Variants in FRAS1 observed in about 807,000 individuals in gnomAD.
The protein encoded by FRAS1 is extracellular matrix organizing protein FRAS1.
A neutral mutation model predicts 435.2 loss-of-function variants in FRAS1; 290 were observed. The observed-to-expected ratio is 0.67, with a 90% CI of 0.61 to 0.73. The LOEUF is 0.73. FRAS1 is among the 30% of genes least tolerant of loss of function. The pLI, the probability that FRAS1 is intolerant of heterozygous loss-of-function variation, is 0.00. For missense variants in FRAS1, 4,860 were observed against 5,001.5 expected (o/e 0.97, Z 0.85); for synonymous variants, 1,800 against 1,851.0 (o/e 0.97, Z 0.71).
intron 3 of FRAS1, among the ~76,000 whole-genome samples, chr4:78,243,993 A>G (rs1042655359): frequency 6.6e-6 from 1 of 152,168 alleles, no homozygotes; most frequent in African/African-American, 2.4e-5. Flanking sequence ...TTCAGAGGAC[A>G]CTTTTCTGAA....
intron 33 of FRAS1, among the ~76,000 whole-genome samples, chr4:78,420,479 G>C (rs562754197): frequency 4.5e-4 from 47 of 105,600 alleles, no homozygotes; most frequent in Admixed American, 1.0e-3. Flanking sequence ...CATGAGAAAT[G>C]ATCACAACAT....
In FRAS1 at chr4:78,115,180, C is replaced by T. The variant is rs191645470; in HGVS notation, c.108+49164C>T. 2.6e-4 allele frequency among the ~76,000 whole-genome samples: 40 copies of T among 151,204 alleles called. 1 individual carries two copies. In the Admixed American group the frequency reaches 2.7e-3, roughly 10 times the overall value. ...AGCCTTGCATCCCAGGGATGAAGCC[C>T]ACTTGATCATGGTGGATACGCTTAT... On this transcript the variant is annotated intron_variant, in intron 2 of 73. Transcript: ENST00000512123.
At chr4:78,501,880 C>T (rs898586941) in intron 61 of FRAS1, among the ~76,000 whole-genome samples, 28 of 152,202 alleles carry the variant, frequency 1.8e-4, no homozygotes, top group African/African-American at 6.7e-4. Context: ...CTTTAATCCA[C>T]CTTGAATTAA....
chr4:78,121,166 G>C (rs1718996554), intron 2 of FRAS1, among the ~76,000 whole-genome samples: 1 of 152,128 alleles, frequency 6.6e-6, no homozygotes, highest in Admixed American at 6.5e-5. Flanking sequence ...AGCCTGATAT[G>C]ACCTTTCTCC....
In FRAS1 at chr4:78,452,363, A is replaced by G; in HGVS notation, c.6763+9A>G. On this transcript the variant is annotated intron_variant, in intron 47 of 73. Transcript: ENST00000512123. Reference sequence around the variant, plus strand: ...ACATGCAGCATCACCAGGTAAGTCTATCATCTCTTGATTTACTGAATCAAA... The same window carrying G: ...ACATGCAGCATCACCAGGTAAGTCTGTCATCTCTTGATTTACTGAATCAAA... 1.3e-6 allele frequency: 2 copies of G among 1,587,620 alleles called. No individual in the cohort carries two copies. The highest frequency in any genetic ancestry group is 1.7e-6 in the Non-Finnish European group (2 of 1,171,596).
intron 6 of FRAS1, among the ~76,000 whole-genome samples, chr4:78,258,778 C>T (rs999402977): frequency 2.2e-4 from 32 of 145,824 alleles, no homozygotes; most frequent in African/African-American, 8.0e-4. Flanking sequence ...CATATGTATA[C>T]ATGTGCCATG....
intron 9 of FRAS1, among the ~76,000 whole-genome samples, chr4:78,267,891 A>G (rs1473229824): frequency 6.6e-6 from 1 of 152,248 alleles, no homozygotes; most frequent in East Asian, 1.9e-4. Context: ...GGATCAGGAA[A>G]AAACATAACA....
chr4:78,502,345 C>A (rs1720711800), intron 61 of FRAS1, among the ~76,000 whole-genome samples: 1 of 152,196 alleles, frequency 6.6e-6, no homozygotes, highest in South Asian at 2.1e-4. Context: ...TTCTTCCTCT[C>A]CGTAAGCGTG....
chr4:78,330,309 G>A (rs2110254480), intron 18 of FRAS1, among the ~76,000 whole-genome samples: 1 of 152,290 alleles, frequency 6.6e-6, no homozygotes, highest in African/African-American at 2.4e-5. Context: ...GTCAGCTGAG[G>A]AGGATGTATG....
chr4:78,438,873 T>C (rs1295040577), intron 39 of FRAS1, 29 bp from the exon 40 acceptor site: 1 of 1,584,644 alleles, frequency 6.3e-7, no homozygotes, highest in African/African-American at 1.4e-5. Flanking sequence ...TCGTGGCTTA[T>C]TCATTTGATT....
chr4:78,200,175 T>G (rs1350415567), intron 2 of FRAS1, among the ~76,000 whole-genome samples: 4 of 152,222 alleles, frequency 2.6e-5, no homozygotes, highest in Non-Finnish European at 4.4e-5. Flanking sequence ...GAAATGTTAC[T>G]GTCGACAGTA....
intron 44 of FRAS1, among the ~76,000 whole-genome samples, chr4:78,449,206 T>G (rs1718944386): frequency 6.6e-6 from 1 of 152,174 alleles, no homozygotes; most frequent in Non-Finnish European, 1.5e-5. Flanking sequence ...TTGCATCGGC[T>G]CCCTCTGCCA....
chr4:78,513,338 A>T, intron 64 of FRAS1, 54 bp from the exon 65 acceptor site: 2 of 1,570,032 alleles, frequency 1.3e-6, no homozygotes, highest in Non-Finnish European at 1.7e-6. Context: ...AGTATGTCCT[A>T]TTGACCATTT....
chr4:78,473,700 C>T lies in FRAS1; in HGVS notation c.7682+103C>T, dbSNP rs1458691360. ...GGCAGCTCTAGTCACCTCTTGATGG[C>T]GGTGATGGTGATGATGGCAGTGATA... On this transcript the variant is annotated intron_variant, in intron 53 of 73. Coordinates refer to ENST00000512123, the MANE Select transcript of FRAS1 (RefSeq NM_025074.7). 3.5e-5 allele frequency: 27 copies of T among 760,772 alleles called. No individual in the cohort carries two copies. The East Asian group carries it at 4.3e-4, about 12-fold the overall frequency. 47.1% of individuals were successfully genotyped at this position (760,772 alleles called of 1,614,324 possible).
intron 38 of FRAS1, among the ~76,000 whole-genome samples, chr4:78,436,522 A>G (rs544731557): frequency 6.6e-6 from 1 of 152,360 alleles, no homozygotes; most frequent in African/African-American, 2.4e-5. Context: ...GAATGTTCAT[A>G]GCACTACTGT....
chr4:78,217,821 CTCCCCTCCCCTTCCCCTCTCCTCTCT>C (rs1723836670), intron 2 of FRAS1, among the ~76,000 whole-genome samples: 1 of 108,920 alleles, frequency 9.2e-6, no homozygotes, highest in Non-Finnish European at 2.0e-5. Context: ...CTCTCCTCCC[CTCCCCTCCCCTTCCCCTCTCCTCTCT>C]TCCCCTCCCC....
chr4:78,181,965 A>C, intron 2 of FRAS1: 5 of 1,596,262 alleles, frequency 3.1e-6, no homozygotes, highest in Non-Finnish European at 4.3e-6. Context: ...AGCACCTCGA[A>C]GGGGTCCGAT....
intron 71 of FRAS1, among the ~76,000 whole-genome samples, chr4:78,536,389 A>C (rs1030227646): frequency 6.6e-6 from 1 of 151,934 alleles, no homozygotes; most frequent in Non-Finnish European, 1.5e-5. Flanking sequence ...ACCTTCCTCT[A>C]TTGTGGAATG....
chr4:78,461,374 C>T (rs551474767), intron 47 of FRAS1, among the ~76,000 whole-genome samples: 8 of 152,150 alleles, frequency 5.3e-5, no homozygotes, highest in Non-Finnish European at 7.4e-5. Flanking sequence ...GAAATTAGAC[C>T]GCCTCGGGTT....
Sources: gnomAD v4.1 joint callset for allele counts (sites outside exome capture counted in the v4.1 genomes callset) on GRCh38, gnomAD v4.1.1 for gene constraint, MANE v1.5 for transcripts, NCBI Gene and HGNC (gene_info 2026-07-23, HGNC 2026-07-21) for gene names.